Variants in RBFOX1 observed in about 807,000 individuals in gnomAD.
The protein encoded by RBFOX1 is RNA binding fox-1 homolog 1, also known as RNA binding protein fox-1 homolog 1.
Under a neutral mutation model 57.7 loss-of-function variants are expected in RBFOX1, and 8 were observed. That is an observed-to-expected ratio of 0.14 (90% CI 0.08 to 0.25). RBFOX1 has a LOEUF of 0.25. Ranked by LOEUF, RBFOX1 falls within the 10% of genes least tolerant of loss-of-function variation. The probability of loss-of-function intolerance (pLI) is 1.00; values close to 1 mark genes in which losing one functional copy is unlikely to be tolerated. For missense variants in RBFOX1, 611 were observed against 548.5 expected, an observed-to-expected ratio of 1.11 and a Z score of -1.14; for synonymous variants, 326 against 222.4, an observed-to-expected ratio of 1.47 and a Z score of -4.15.
At chr16:6,092,230 C>T (rs1003831112) in intron 1 of RBFOX1, among the ~76,000 whole-genome samples, 5 of 152,160 alleles carry the variant, frequency 3.3e-5, no homozygotes, top group Non-Finnish European at 7.3e-5. Context: ...GGCAGCCAAG[C>T]TCTAAATGCT....
At chr16:5,314,370 G>A (rs1399641607) in intron 1 of RBFOX1, among the ~76,000 whole-genome samples, 1 of 152,270 alleles carries the variant, frequency 6.6e-6, no homozygotes, top group African/African-American at 2.4e-5. Context: ...GGTGAGCTCT[G>A]CCTCTGGAGC....
chr16:6,986,458 C>T (rs2090309389), intron 3 of RBFOX1, among the ~76,000 whole-genome samples: 1 of 152,136 alleles, frequency 6.6e-6, no homozygotes, highest in African/African-American at 2.4e-5. Context: ...CTCAGCCTCC[C>T]AAAGTGCTGG....
chr16:6,417,412 C>CTTTTTTTT (rs35363634), intron 2 of RBFOX1, among the ~76,000 whole-genome samples: 2 of 116,142 alleles, frequency 1.7e-5, no homozygotes, highest in Non-Finnish European at 3.4e-5. Flanking sequence ...AATGTGTTTA[C>CTTTTTTTT]TTTTTTTTTT....
intron 1 of RBFOX1, among the ~76,000 whole-genome samples, chr16:5,296,587 T>A (rs924472176): frequency 2.0e-5 from 3 of 151,666 alleles, no homozygotes; most frequent in Admixed American, 6.6e-5. Flanking sequence ...TTTTTAACAA[T>A]AGAGCTCTTG....
chr16:5,385,004 T>A (rs2066221791), intron 1 of RBFOX1, among the ~76,000 whole-genome samples: 1 of 152,218 alleles, frequency 6.6e-6, no homozygotes, highest in African/African-American at 2.4e-5. Context: ...CTCAGTGTTT[T>A]GAGGAAAACC....
chr16:5,504,205 T>C (rs931716959), intron 2 of RBFOX1, among the ~76,000 whole-genome samples: 1 of 152,196 alleles, frequency 6.6e-6, no homozygotes, highest in Non-Finnish European at 1.5e-5. Context: ...GCAGCACCCC[T>C]GGAGCATGTC....
rs74700658 is a variant in RBFOX1, at chr16:7,664,297, A to G, written c.891-632A>G. The stretch of plus-strand genomic sequence containing the variant: ...ATGAAGACATGTCTGCACAGAAAAC[A>G]CATTCTTGCACATGTACCCATGCTC... On this transcript the variant is annotated intron_variant, in intron 12 of 15. Coordinates refer to ENST00000550418, the MANE Select transcript of RBFOX1 (RefSeq NM_018723.4). Among the ~76,000 whole-genome samples the G allele has an allele frequency of 3.0e-3, 453 of 152,324 alleles. 8 individuals carry two copies. Among genetic ancestry groups the G allele is most frequent in the East Asian group, 0.025 (130 of 5,188 alleles).
intron 10 of RBFOX1, among the ~76,000 whole-genome samples, chr16:7,629,549 A>G (rs2060607148): frequency 1.3e-5 from 2 of 152,276 alleles, no homozygotes; most frequent in South Asian, 2.1e-4. Flanking sequence ...AGGTATTTCC[A>G]TCACCAGTAA....
chr16:7,380,987 C>G (rs1268401786), intron 4 of RBFOX1, among the ~76,000 whole-genome samples: 2 of 152,184 alleles, frequency 1.3e-5, no homozygotes, highest in Non-Finnish European at 2.9e-5. Flanking sequence ...GTAGACAGGT[C>G]TATCCTAGTG....
chr16:6,838,822 C>T (rs575443241), intron 3 of RBFOX1, among the ~76,000 whole-genome samples: 1 of 152,250 alleles, frequency 6.6e-6, no homozygotes, highest in East Asian at 1.9e-4. Flanking sequence ...CCATTCTCAG[C>T]TTTCTCAGGT....
chr16:6,204,368 C>T (rs1567673134), intron 1 of RBFOX1, among the ~76,000 whole-genome samples: 1 of 152,140 alleles, frequency 6.6e-6, no homozygotes. Context: ...TTACTGAAAA[C>T]ATGAGGGTGC....
At position 7,693,246 on chromosome 16, in the gene RBFOX1, C is replaced by T. The variant is rs78464000; in HGVS notation, c.996-15810C>T. The T allele has an allele frequency of 2.7e-3, 3,789 of 1,378,354 alleles. 8 individuals are homozygous for T. Among genetic ancestry groups the T allele is most frequent in the Non-Finnish European group, 3.7e-3 (3,527 of 965,838 alleles). The allele number at this position is 1,378,354 out of a possible 1,614,324, so 85.4% of individuals were successfully genotyped here. A position where few individuals can be genotyped will look rare whatever the true frequency, so the allele number is the denominator to read the frequency against. On this transcript the variant is annotated intron_variant, in intron 14 of 15. Transcript: ENST00000550418. ...CTTCCCTCCCCTCATCTGTACACAT[C>T]GAAGCAATTGGCAGAGAGCACATTT...
chr16:7,579,963 T>G, intron 6 of RBFOX1, 43 bp downstream of exon 6: 3 of 1,594,722 alleles, frequency 1.9e-6, no homozygotes, highest in Non-Finnish European at 2.6e-6. Flanking sequence ...CTCTGGGGGT[T>G]CCAGAGACCT....
chr16:6,814,178 T>C (rs915356026), intron 3 of RBFOX1, among the ~76,000 whole-genome samples: 1 of 150,250 alleles, frequency 6.7e-6, no homozygotes, highest in Admixed American at 6.7e-5. Context: ...TTCTGAGATC[T>C]CATTGCATGA....
At chr16:6,390,653 A>G (rs2092556124) in intron 2 of RBFOX1, among the ~76,000 whole-genome samples, 1 of 152,202 alleles carries the variant, frequency 6.6e-6, no homozygotes, top group South Asian at 2.1e-4. Flanking sequence ...GTATATGGCT[A>G]GGTGAGTCTC....
intron 1 of RBFOX1, among the ~76,000 whole-genome samples, chr16:6,130,716 T>A (rs1188878175): frequency 2.0e-5 from 3 of 152,096 alleles, no homozygotes; most frequent in Non-Finnish European, 4.4e-5. Flanking sequence ...ATAAGAAAGC[T>A]GGTGTGTCTG....
intron 4 of RBFOX1, among the ~76,000 whole-genome samples, chr16:7,384,037 G>C (rs1316360292): frequency 1.4e-5 from 2 of 148,084 alleles, no homozygotes; most frequent in Admixed American, 6.7e-5. Flanking sequence ...CTGGGCAACA[G>C]AGTGAGACTC....
At chr16:6,594,547 A>G (rs1176412832) in intron 2 of RBFOX1, among the ~76,000 whole-genome samples, 3 of 152,154 alleles carry the variant, frequency 2.0e-5, no homozygotes, top group Non-Finnish European at 4.4e-5. Context: ...AGGAAAAGTC[A>G]AGAATCTAGG....
chr16:5,740,573 C>T (rs1201470895), intron 3 of RBFOX1, among the ~76,000 whole-genome samples: 6 of 152,206 alleles, frequency 3.9e-5, no homozygotes, highest in Non-Finnish European at 5.9e-5. Flanking sequence ...GGGAATCTGT[C>T]AAGTCATGCA....
Sources: allele counts gnomAD v4.1 joint callset (sites outside exome capture counted in the v4.1 genomes callset), GRCh38; gene constraint gnomAD v4.1.1; transcripts MANE v1.5; gene names NCBI Gene and HGNC (gene_info 2026-07-23, HGNC 2026-07-21).